Variants in IL1RAPL1 observed in about 807,000 individuals in gnomAD.
IL1RAPL1 encodes interleukin 1 receptor accessory protein like 1.
A neutral mutation model predicts 48.4 loss-of-function variants in IL1RAPL1; 3 were observed. The ratio of observed to expected loss-of-function variants is 0.06; its 90% confidence interval spans 0.03 to 0.16. The LOEUF is 0.16. IL1RAPL1 is among the 10% of genes least tolerant of loss of function. The probability of loss-of-function intolerance (pLI) is 1.00; values close to 1 mark genes in which losing one functional copy is unlikely to be tolerated. For synonymous variants in IL1RAPL1, 185 were observed against 187.7 expected, an observed-to-expected ratio of 0.99 and a Z score of 0.12; for missense variants, 349 against 530.6, an observed-to-expected ratio of 0.66 and a Z score of 3.36.
At chrX:29,623,307 G>GAA (rs1284184413) in intron 5 of IL1RAPL1, among the ~76,000 whole-genome samples, 3 of 109,837 alleles carry the variant, frequency 2.7e-5, no homozygotes, top group African/African-American at 9.9e-5. Context: ...AAGAAAGAAA[G>GAA]AAAGAATTCT....
intron 1 of IL1RAPL1, among the ~76,000 whole-genome samples, chrX:28,617,342 T>G (rs1934232634): frequency 9.0e-6 from 1 of 111,673 alleles, no homozygotes. Context: ...TTCGCCATAC[T>G]GTTCTCTACA....
intron 5 of IL1RAPL1, among the ~76,000 whole-genome samples, chrX:29,613,001 C>T (rs141445963): frequency 0.072 from 8,049 of 111,588 alleles, 269 homozygotes; most frequent in Middle Eastern, 0.18. Context: ...CTGTTAAATT[C>T]ACCACATACT....
intron 6 of IL1RAPL1, among the ~76,000 whole-genome samples, chrX:29,841,301 A>G (rs922783661): frequency 8.9e-5 from 10 of 112,317 alleles, no homozygotes; most frequent in African/African-American, 3.2e-4. Context: ...TATTATAGGA[A>G]GTAAATTCAA....
intron 2 of IL1RAPL1, among the ~76,000 whole-genome samples, chrX:29,017,520 C>T (rs1243646157): frequency 2.7e-5 from 3 of 111,808 alleles, no homozygotes; most frequent in Non-Finnish European, 5.7e-5. Flanking sequence ...TTTTTCATTG[C>T]AACAGAGGTT....
intron 2 of IL1RAPL1, among the ~76,000 whole-genome samples, chrX:29,007,633 A>T (rs887241269): frequency 2.0e-4 from 22 of 112,236 alleles, no homozygotes; most frequent in Non-Finnish European, 3.4e-4. Flanking sequence ...ATAAATTACA[A>T]TTATTCTAAA....
intron 6 of IL1RAPL1, among the ~76,000 whole-genome samples, chrX:29,777,318 G>A (rs1268975978): frequency 8.9e-6 from 1 of 112,162 alleles, no homozygotes; most frequent in African/African-American, 3.2e-5. Flanking sequence ...GTCAATTATT[G>A]TGTAAGGTCT....
chrX:28,829,383 T>C (rs1920995128), intron 2 of IL1RAPL1, among the ~76,000 whole-genome samples: 1 of 110,838 alleles, frequency 9.0e-6, no homozygotes, highest in South Asian at 3.8e-4. Context: ...TGGTACAGTG[T>C]TGAATGGAAA....
chrX:29,237,086 G>C (rs1200906591), intron 2 of IL1RAPL1, among the ~76,000 whole-genome samples: 3 of 110,913 alleles, frequency 2.7e-5, no homozygotes, highest in Non-Finnish European at 5.7e-5. Flanking sequence ...AGAAAAACAG[G>C]GTTTTTATGA....
chrX:28,816,750 A>G (rs145479223), intron 2 of IL1RAPL1, among the ~76,000 whole-genome samples: 2 of 111,018 alleles, frequency 1.8e-5, no homozygotes, highest in Non-Finnish European at 3.8e-5. Context: ...TCCTTGGGGT[A>G]TATACCCAGT....
chrX:29,298,659 G>T (rs1206500935), intron 3 of IL1RAPL1, among the ~76,000 whole-genome samples: 1 of 111,354 alleles, frequency 9.0e-6, no homozygotes, highest in African/African-American at 3.3e-5. Context: ...AAAACTCAAG[G>T]CCCCTTAAAC....
intron 2 of IL1RAPL1, among the ~76,000 whole-genome samples, chrX:29,208,805 A>G (rs985983278): frequency 3.6e-5 from 4 of 110,306 alleles, no homozygotes; most frequent in African/African-American, 1.3e-4. Context: ...TAGGAAGAAT[A>G]CATTAAAAAC....
At chrX:29,279,993 T>C (rs1427239529) in intron 2 of IL1RAPL1, among the ~76,000 whole-genome samples, 1 of 112,039 alleles carries the variant, frequency 8.9e-6, no homozygotes, top group Non-Finnish European at 1.9e-5. Flanking sequence ...TACTGCTAAC[T>C]TGAAGGTATT....
chrX:29,417,461 T>G (rs1934231675), intron 5 of IL1RAPL1, among the ~76,000 whole-genome samples: 2 of 111,727 alleles, frequency 1.8e-5, no homozygotes, highest in Admixed American at 1.9e-4. Context: ...ATATGCAAAT[T>G]AAAGACATTA....
chrX:29,077,618 A>G (rs73210027), intron 2 of IL1RAPL1, among the ~76,000 whole-genome samples: 6 of 104,672 alleles, frequency 5.7e-5, no homozygotes, highest in African/African-American at 7.4e-5. Context: ...GAAAAAAAAA[A>G]AAAAGAAAAA....
At chrX:29,076,436 A>G (rs4893602) in intron 2 of IL1RAPL1, among the ~76,000 whole-genome samples, 28,235 of 110,838 alleles carry the variant, frequency 0.25, 3,018 homozygotes, top group South Asian at 0.48. Context: ...CTGTATTTCT[A>G]CTGGGGTGCA....
intron 2 of IL1RAPL1, among the ~76,000 whole-genome samples, chrX:29,163,647 T>A (rs767935897): frequency 1.6e-4 from 18 of 111,083 alleles, no homozygotes; most frequent in Non-Finnish European, 3.0e-4. Context: ...AAAAGGGACA[T>A]GGTAGAAGCA....
chrX:28,753,869 G>A (rs376752787), intron 1 of IL1RAPL1, among the ~76,000 whole-genome samples: 4 of 110,026 alleles, frequency 3.6e-5, no homozygotes, highest in African/African-American at 9.9e-5. Flanking sequence ...CTGCTGTGAA[G>A]TCATTTTTTT....
intron 5 of IL1RAPL1, among the ~76,000 whole-genome samples, chrX:29,576,611 C>CT (rs1222640546): frequency 1.8e-5 from 2 of 110,730 alleles, no homozygotes; most frequent in African/African-American, 3.3e-5. Flanking sequence ...GTTGGCTTTT[C>CT]TTTTTTTTCA....
intron 3 of IL1RAPL1, among the ~76,000 whole-genome samples, chrX:29,349,204 GCC>G (rs1199693018): frequency 3.6e-5 from 4 of 112,203 alleles, no homozygotes; most frequent in Non-Finnish European, 7.5e-5. Flanking sequence ...ACCCAGCAAG[GCC>G]CATCTGTCTA....
Sources: allele counts gnomAD v4.1 joint callset (sites outside exome capture counted in the v4.1 genomes callset), GRCh38; gene constraint gnomAD v4.1.1; transcripts MANE v1.5; gene names NCBI Gene and HGNC (gene_info 2026-07-23, HGNC 2026-07-21).